Variants in NELL1 observed in about 807,000 individuals in gnomAD.
The protein encoded by NELL1 is neural EGFL like 1.
A neutral mutation model predicts 107.4 loss-of-function variants in NELL1; 76 were observed. The observed-to-expected ratio is 0.71, with a 90% CI of 0.59 to 0.86. NELL1 has a LOEUF of 0.86. Ranked by LOEUF, NELL1 falls within the 40% of genes least tolerant of loss-of-function variation. NELL1 has a pLI of 0.00. For synonymous variants in NELL1, 353 were observed against 341.2 expected (o/e 1.03, Z -0.38); for missense variants, 1,024 against 1,005.5 (o/e 1.02, Z -0.25).
intron 2 of NELL1, among the ~76,000 whole-genome samples, chr11:20,759,420 CAG>C (rs1178903102): frequency 6.6e-6 from 1 of 152,192 alleles, no homozygotes. Flanking sequence ...TTGTGAGACT[CAG>C]TGTCACCAGG....
At chr11:20,871,386 C>A (rs1001391989) in intron 4 of NELL1, among the ~76,000 whole-genome samples, 3 of 152,136 alleles carry the variant, frequency 2.0e-5, no homozygotes, top group Non-Finnish European at 4.4e-5. Context: ...TGTTCATCTG[C>A]CCTATAATGC....
chr11:20,692,756 T>C lies in NELL1; in HGVS notation c.184+14696T>C, dbSNP rs186931878. ...GTGATGTGGTGCTGAGAAGAATGTA[T>C]ATTTTGTTGATTTGGGGTGGAAAGT... On this transcript the variant is annotated intron_variant, in intron 2 of 19. Coordinates refer to ENST00000357134, the MANE Select transcript of NELL1 (RefSeq NM_006157.5). 8.2e-3 allele frequency among the ~76,000 whole-genome samples: 1,245 copies of C among 152,226 alleles called. 12 individuals carry two copies. The highest frequency in any genetic ancestry group is 0.029 in the African/African-American group (1,183 of 41,508).
intron 15 of NELL1, among the ~76,000 whole-genome samples, chr11:21,421,151 T>G (rs1441813560): frequency 1.3e-5 from 2 of 152,152 alleles, no homozygotes; most frequent in Non-Finnish European, 2.9e-5. Flanking sequence ...AGAAGAAGAT[T>G]TGAAGATTAG....
intron 12 of NELL1, among the ~76,000 whole-genome samples, chr11:20,989,015 T>G (rs1197097325): frequency 3.9e-5 from 6 of 152,186 alleles, no homozygotes; most frequent in South Asian, 2.1e-4. Context: ...TAACCTCTCT[T>G]GACCTCAGTT....
At chr11:21,540,933 GTTC>G (rs1856276527) in intron 16 of NELL1, among the ~76,000 whole-genome samples, 1 of 152,054 alleles carries the variant, frequency 6.6e-6, no homozygotes, top group South Asian at 2.1e-4. Context: ...CTGACATTCA[GTTC>G]TTCTAATAAT....
At chr11:20,861,388 C>T (rs912751929) in intron 4 of NELL1, among the ~76,000 whole-genome samples, 1 of 152,314 alleles carries the variant, frequency 6.6e-6, no homozygotes, top group Non-Finnish European at 1.5e-5. Context: ...TGCTTTGTTT[C>T]TTGCAGGGTA....
At chr11:20,925,267 G>A (rs976397719) in intron 7 of NELL1, among the ~76,000 whole-genome samples, 2 of 151,850 alleles carry the variant, frequency 1.3e-5, no homozygotes, top group African/African-American at 4.8e-5. Flanking sequence ...TGATTAGGCT[G>A]GAGTTTTGTT....
At chr11:20,947,573 A>G (rs1850990102) in intron 11 of NELL1, 138 bp downstream of exon 11, 3 of 639,200 alleles carry the variant, frequency 4.7e-6, no homozygotes, top group Admixed American at 2.7e-5. Context: ...TGCATATCCT[A>G]TTTACCTCTC....
At chr11:20,917,437 G>A (rs1320646087) in intron 5 of NELL1, among the ~76,000 whole-genome samples, 1 of 151,876 alleles carries the variant, frequency 6.6e-6, no homozygotes, top group Non-Finnish European at 1.5e-5. Flanking sequence ...ACTCTCTTAA[G>A]TCTATATTTT....
intron 7 of NELL1, among the ~76,000 whole-genome samples, chr11:20,920,331 G>T (rs1368686228): frequency 6.6e-6 from 1 of 152,062 alleles, no homozygotes; most frequent in Non-Finnish European, 1.5e-5. Context: ...AAAATTGGTG[G>T]GTAGATAAGT....
chr11:21,091,602 G>A (rs1004940158), intron 12 of NELL1, among the ~76,000 whole-genome samples: 5 of 151,864 alleles, frequency 3.3e-5, no homozygotes, highest in Admixed American at 6.6e-5. Context: ...TTCACCATAC[G>A]TCTTATCCAT....
At chr11:21,050,660 C>T in intron 12 of NELL1, among the ~76,000 whole-genome samples, 1 of 152,152 alleles carries the variant, frequency 6.6e-6, no homozygotes, top group East Asian at 1.9e-4. Context: ...AATGTTTTCT[C>T]TGTTAATGTC....
chr11:20,839,202 G>A (rs1462501006), intron 3 of NELL1, among the ~76,000 whole-genome samples: 3 of 152,140 alleles, frequency 2.0e-5, no homozygotes, highest in Non-Finnish European at 4.4e-5. Flanking sequence ...ATACCATGTG[G>A]ATTTTTAAAG....
At chr11:20,712,857 C>A (rs927706941) in intron 2 of NELL1, among the ~76,000 whole-genome samples, 3 of 152,188 alleles carry the variant, frequency 2.0e-5, no homozygotes, top group Non-Finnish European at 4.4e-5. Flanking sequence ...CTGTGGATAC[C>A]AGCACCTGCT....
Position 21,188,746 on chromosome 11 carries a change from G to T in NELL1, c.1427-40586G>T, listed in dbSNP as rs138991447. Among the ~76,000 whole-genome samples, 961 of 151,886 alleles carry T rather than the reference G, an allele frequency of 6.3e-3. 26 individuals are homozygous for T. The highest frequency in any genetic ancestry group is 0.02 in the African/African-American group (836 of 41,228). On this transcript the variant is annotated intron_variant, in intron 13 of 19. Coordinates refer to ENST00000357134, the MANE Select transcript of NELL1 (RefSeq NM_006157.5). ...CCATTTACCTGCTCTGAAGTGTCTG[G>T]CTGTGTAACCTAGGACACTTCATTT...
At chr11:21,498,332 AT>A (rs1240174825) in intron 15 of NELL1, among the ~76,000 whole-genome samples, 1 of 95,664 alleles carries the variant, frequency 1.0e-5, no homozygotes, top group Non-Finnish European at 2.4e-5. Flanking sequence ...CCATAAACAT[AT>A]TATATATATA....
At chr11:21,550,930 G>A (rs1454373302) in intron 16 of NELL1, among the ~76,000 whole-genome samples, 1 of 151,356 alleles carries the variant, frequency 6.6e-6, no homozygotes, top group Non-Finnish European at 1.5e-5. Flanking sequence ...ATTACCTTGG[G>A]CAGTATGGCC....
At chr11:20,674,061 G>C (rs184351901) in intron 1 of NELL1, among the ~76,000 whole-genome samples, 5 of 152,142 alleles carry the variant, frequency 3.3e-5, no homozygotes, top group Non-Finnish European at 5.9e-5. Flanking sequence ...TCTTTTTTTG[G>C]CTCTGTTTTT....
At chr11:21,021,012 AACACACACACACACACAC>A (rs56813080) in intron 12 of NELL1, among the ~76,000 whole-genome samples, 1 of 140,224 alleles carries the variant, frequency 7.1e-6, no homozygotes, top group African/African-American at 2.7e-5. Context: ...AGAAACTTAG[AACACACACACACACACAC>A]ACACACACAC....
Sources: gnomAD v4.1 joint callset for allele counts (sites outside exome capture counted in the v4.1 genomes callset) on GRCh38, gnomAD v4.1.1 for gene constraint, MANE v1.5 for transcripts, NCBI Gene and HGNC (gene_info 2026-07-23, HGNC 2026-07-21) for gene names.